Variants in ERC2 observed in about 807,000 individuals in gnomAD.
ERC2 encodes ERC protein 2.
A neutral mutation model predicts 114.8 loss-of-function variants in ERC2; 42 were observed. That is an observed-to-expected ratio of 0.37 (90% CI 0.29 to 0.47). The LOEUF is 0.47. Ranked by LOEUF, ERC2 falls within the 20% of genes least tolerant of loss-of-function variation. ERC2 has a pLI of 0.99. For missense variants in ERC2, 939 were observed against 1,150.7 expected (o/e 0.82, Z 2.66); for synonymous variants, 454 against 425.5 (o/e 1.07, Z -0.82).
At chr3:55,528,517 A>T (rs1209808367) in intron 17 of ERC2, among the ~76,000 whole-genome samples, 1 of 152,198 alleles carries the variant, frequency 6.6e-6, no homozygotes, top group African/African-American at 2.4e-5. Flanking sequence ...GGGACTGTGC[A>T]TAGATACTTT....
chr3:56,178,995 AAAG>A (rs906940406), intron 3 of ERC2, among the ~76,000 whole-genome samples: 7 of 152,134 alleles, frequency 4.6e-5, no homozygotes, highest in Non-Finnish European at 8.8e-5. Flanking sequence ...AGCCACACTG[AAAG>A]AAGAAGAATT....
intron 1 of ERC2, among the ~76,000 whole-genome samples, chr3:56,454,400 C>A (rs1160466691): frequency 1.3e-5 from 2 of 152,126 alleles, no homozygotes; most frequent in African/African-American, 4.8e-5. Flanking sequence ...CCTGGATAAG[C>A]TAGTCTTCCC....
chr3:55,592,753 G>A (rs973235040), intron 17 of ERC2, among the ~76,000 whole-genome samples: 1 of 152,156 alleles, frequency 6.6e-6, no homozygotes, highest in African/African-American at 2.4e-5. Flanking sequence ...AGACACCTAC[G>A]TAGTTAAATC....
At chr3:56,196,926 C>A (rs116410999) in intron 3 of ERC2, among the ~76,000 whole-genome samples, 2,183 of 152,206 alleles carry the variant, frequency 0.014, 57 homozygotes, top group African/African-American at 0.05. Context: ...TAATCCCCAG[C>A]ATGACACTCT....
chr3:55,884,072 T>C (rs185425910), intron 14 of ERC2, among the ~76,000 whole-genome samples: 15 of 152,284 alleles, frequency 9.9e-5, no homozygotes, highest in Non-Finnish European at 1.6e-4. Flanking sequence ...ATTAGGGAAA[T>C]GGTTGAAGGA....
Position 56,311,231 on chromosome 3 carries a change from TTCTCTC to T in ERC2, c.658-14802_658-14797del, listed in dbSNP as rs370683995. Reference sequence around the variant, plus strand: ...CAGTGTTCTTGGGATATCCATCATCTTCTCTCTCTCTCTCTCTCTCTCTCTATATAT... The same window carrying T: ...CAGTGTTCTTGGGATATCCATCATCTTCTCTCTCTCTCTCTCTCTATATAT... On this transcript the variant is annotated intron_variant, in intron 2 of 17. Coordinates refer to ENST00000288221, the MANE Select transcript of ERC2 (RefSeq NM_015576.3). 4.5e-3 allele frequency among the ~76,000 whole-genome samples: 434 copies of T among 95,874 alleles called. 4 individuals carry two copies. Among genetic ancestry groups the T allele is most frequent in the African/African-American group, 7.6e-3 (152 of 20,080 alleles). The allele number at this position is 95,874 out of a possible 152,430, so 62.9% of individuals were successfully genotyped here. A position where few individuals can be genotyped will look rare whatever the true frequency, so the allele number is the denominator to read the frequency against.
At chr3:55,976,904 A>T (rs2069633304) in intron 12 of ERC2, among the ~76,000 whole-genome samples, 1 of 152,228 alleles carries the variant, frequency 6.6e-6, no homozygotes, top group South Asian at 2.1e-4. Context: ...TCGTATGAGG[A>T]GGTGGGGCCT....
chr3:55,798,450 T>C (rs1191261887), intron 14 of ERC2, among the ~76,000 whole-genome samples: 1 of 151,786 alleles, frequency 6.6e-6, no homozygotes, highest in Non-Finnish European at 1.5e-5. Context: ...TACAAAAAAT[T>C]AGCCAGGCGT....
chr3:55,768,754 A>G (rs1396762122), intron 14 of ERC2, among the ~76,000 whole-genome samples: 1 of 152,158 alleles, frequency 6.6e-6, no homozygotes, highest in African/African-American at 2.4e-5. Context: ...AGGAAGACAG[A>G]AGAAGGTGAC....
chr3:56,233,238 A>G (rs2050740331), intron 3 of ERC2, among the ~76,000 whole-genome samples: 1 of 152,190 alleles, frequency 6.6e-6, no homozygotes, highest in South Asian at 2.1e-4. Context: ...TTGTAAACAG[A>G]CTTCATTTTG....
chr3:55,715,764 G>A lies in ERC2; in HGVS notation c.2713-16252C>T, dbSNP rs2064084836. 3.9e-5 allele frequency among the ~76,000 whole-genome samples: 6 copies of A among 152,136 alleles called. No individual in the cohort carries two copies. The South Asian group carries it at 1.0e-3, about 26-fold the overall frequency. On this transcript the variant is annotated intron_variant, in intron 15 of 17. Coordinates refer to ENST00000288221, the MANE Select transcript of ERC2 (RefSeq NM_015576.3). Reference sequence around the variant, plus strand: ...AGGTCTTTAGTTCTGGAATTTTAAGGTTAATGGCCCAAGGATCTCTCAGAC... The same window carrying A: ...AGGTCTTTAGTTCTGGAATTTTAAGATTAATGGCCCAAGGATCTCTCAGAC...
chr3:56,314,234 C>G (rs549261979), intron 2 of ERC2, among the ~76,000 whole-genome samples: 1 of 152,068 alleles, frequency 6.6e-6, no homozygotes, highest in Admixed American at 6.6e-5. Flanking sequence ...TATAACCTTG[C>G]GGAGGTGGGG....
At chr3:55,785,123 T>A (rs2069382907) in intron 14 of ERC2, among the ~76,000 whole-genome samples, 1 of 152,086 alleles carries the variant, frequency 6.6e-6, no homozygotes, top group Non-Finnish European at 1.5e-5. Flanking sequence ...ATATAGGCCT[T>A]GAAGGACATT....
intron 5 of ERC2, among the ~76,000 whole-genome samples, chr3:56,148,544 C>T (rs2081262928): frequency 6.6e-6 from 1 of 152,184 alleles, no homozygotes; most frequent in Non-Finnish European, 1.5e-5. Context: ...GCCTCAGCCT[C>T]CCAACCTAAT....
chr3:56,319,598 A>G (rs550500590), intron 2 of ERC2, among the ~76,000 whole-genome samples: 1 of 152,266 alleles, frequency 6.6e-6, no homozygotes, highest in South Asian at 2.1e-4. Flanking sequence ...GTACACTCAA[A>G]AATTTATGAA....
At chr3:56,261,586 C>T (rs565392635) in intron 3 of ERC2, among the ~76,000 whole-genome samples, 4 of 152,332 alleles carry the variant, frequency 2.6e-5, no homozygotes, top group Admixed American at 2.6e-4. Flanking sequence ...ACTGTGCCCT[C>T]TCTGGCTATC....
chr3:55,947,458 A>G (rs1207643986), intron 13 of ERC2, among the ~76,000 whole-genome samples: 2 of 152,158 alleles, frequency 1.3e-5, no homozygotes, highest in African/African-American at 2.4e-5. Context: ...AACTTTTCCA[A>G]TCTGTGACTT....
intron 2 of ERC2, among the ~76,000 whole-genome samples, chr3:56,419,481 T>C (rs962240071): frequency 2.0e-5 from 3 of 152,220 alleles, no homozygotes; most frequent in East Asian, 1.9e-4. Context: ...CCACCTCCAG[T>C]ATATTGTATC....
intron 14 of ERC2, among the ~76,000 whole-genome samples, chr3:55,803,799 G>C (rs552407961): frequency 1.3e-5 from 2 of 152,266 alleles, no homozygotes; most frequent in African/African-American, 4.8e-5. Flanking sequence ...GATTGCAGGA[G>C]AAACAAGTCA....
Sources: gnomAD v4.1 joint callset for allele counts (sites outside exome capture counted in the v4.1 genomes callset) on GRCh38, gnomAD v4.1.1 for gene constraint, MANE v1.5 for transcripts, NCBI Gene and HGNC (gene_info 2026-07-23, HGNC 2026-07-21) for gene names.